PCYT2: variants seen among roughly 807,000 people sequenced by gnomAD.
PCYT2 encodes the protein ethanolamine-phosphate cytidylyltransferase.
A neutral mutation model predicts 50.0 loss-of-function variants in PCYT2; 33 were observed. The ratio of observed to expected loss-of-function variants is 0.66; its 90% CI spans 0.50 to 0.88. PCYT2 has a LOEUF of 0.88. PCYT2 is among the 40% of genes least tolerant of loss of function. The pLI, the probability that PCYT2 is intolerant of heterozygous loss-of-function variation, is 0.00. For missense variants in PCYT2, 430 were observed against 519.7 expected, an observed-to-expected ratio of 0.83 and a Z score of 1.68; for synonymous variants, 240 against 203.7, an observed-to-expected ratio of 1.18 and a Z score of -1.52.
At position 81,902,723 on chromosome 17, in the gene PCYT2, G is replaced by A. The variant is rs922678010; in HGVS notation, c.*2110C>T. 2 of 1,608,040 alleles carry A rather than the reference G, an allele frequency of 1.2e-6. No homozygotes were observed. The highest frequency in any genetic ancestry group is 1.7e-6 in the Non-Finnish European group (2 of 1,178,400). ...AAGGCGAACGTCTTCCTGTCCCTGCGCGCAGCCGACTGCCTCGCCGCCTGA... is the reference window on the plus strand; with the variant it reads ...AAGGCGAACGTCTTCCTGTCCCTGCACGCAGCCGACTGCCTCGCCGCCTGA... On this transcript the variant is annotated 3_prime_UTR_variant, in exon 13 of 13. Transcript: ENST00000538936.
intron 2 of PCYT2, chr17:81,909,270 G>A (rs2040448179): frequency 7.7e-6 from 11 of 1,430,394 alleles, no homozygotes; most frequent in Non-Finnish European, 1.0e-5. Context: ...AGCCCCTGAA[G>A]GCTTGGGAGC....
In PCYT2 at chr17:81,905,685, G is replaced by A. The variant is rs755458317; in HGVS notation, c.888C>T (p.Leu296=). The change falls in exon 10 of 13, where the codon CTC becomes CTT. Residue 296 remains leucine, a synonymous_variant. Coordinates refer to ENST00000538936, the MANE Select transcript of PCYT2 (RefSeq NM_002861.5). The part of the protein sequence containing the change: ...IGAPYAVTAE[L]LSHFKVDLVC... ...GGAGCCTCACCTTGAAGTGACTTAG[G>A]AGCTCTGCTGTGACCGCGTACGGGG... is the stretch of plus-strand genomic sequence containing the variant. The A allele has an allele frequency of 3.7e-6, 6 of 1,613,432 alleles. No individual in the cohort carries two copies. The African/African-American group carries it at 4.0e-5, about 11-fold the overall frequency.
intron 9 of PCYT2, 172 bp downstream of exon 9, chr17:81,905,928 C>T (rs2040238855): frequency 5.4e-6 from 4 of 735,534 alleles, no homozygotes; most frequent in African/African-American, 1.7e-5. Flanking sequence ...CCTGACCACC[C>T]CTCCTCATGC....
At chr17:81,909,322 C>T in intron 2 of PCYT2, 192 bp downstream of exon 2, 1 of 1,433,554 alleles carries the variant, frequency 7.0e-7, no homozygotes, top group African/African-American at 1.4e-5. Context: ...TTCTCTTTAG[C>T]TGGGACAGGA....
rs1478798732 is a variant in PCYT2 at position 81,901,611 on chromosome 17, G to A, written c.*3222C>T. 1 of 152,388 alleles carries A rather than the reference G, an allele frequency of 6.6e-6. No homozygotes were observed. Among genetic ancestry groups the A allele is most frequent in the African/African-American group, 2.4e-5 (1 of 41,460 alleles). 9.4% of individuals were successfully genotyped at this position (152,388 alleles called of 1,614,324 possible). A position where few individuals can be genotyped will look rare whatever the true frequency, so the allele number is the denominator to read the frequency against. On this transcript the variant is annotated 3_prime_UTR_variant, in exon 13 of 13. Coordinates refer to ENST00000538936, the MANE Select transcript of PCYT2 (RefSeq NM_002861.5). ...TGAAGGCTGATGTCACCTGCCAGGA[G>A]AGCGGCTGGCAGTCCTGCCTGGTGC...
intron 1 of PCYT2, chr17:81,910,949 G>A: frequency 2.0e-6 from 2 of 989,274 alleles, no homozygotes; most frequent in Non-Finnish European, 2.4e-6. Context: ...GACCGGAGCC[G>A]GGCAAGCTGG....
At chr17:81,908,443 C>T (rs971609220) in intron 4 of PCYT2, 125 bp downstream of exon 4, 8 of 698,348 alleles carry the variant, frequency 1.1e-5, no homozygotes, top group African/African-American at 9.0e-5. Flanking sequence ...CAGTCCTGGG[C>T]GTGAGGAACA....
intron 2 of PCYT2, 136 bp downstream of exon 2, chr17:81,909,378 G>T: frequency 2.8e-6 from 4 of 1,436,070 alleles, no homozygotes; most frequent in Non-Finnish European, 3.7e-6. Flanking sequence ...CTGGGGCTGG[G>T]CTGGGTGAGC....
At chr17:81,910,743 TCTTC>T (rs2034719085) in intron 1 of PCYT2, among the ~76,000 whole-genome samples, 1 of 152,190 alleles carries the variant, frequency 6.6e-6, no homozygotes, top group East Asian at 1.9e-4. Context: ...GTAACGGTCG[TCTTC>T]CTTTCACTTG....
chr17:81,911,305 C>T lies in PCYT2; in HGVS notation c.51G>A (p.Pro17=), dbSNP rs1352672394. Residue 17 remains proline, a synonymous_variant, in exon 1 of 13, where the codon CCG becomes CCA. Coordinates refer to ENST00000538936, the MANE Select transcript of PCYT2 (RefSeq NM_002861.5). ...GAAGGAEQPG[P]GGRRAVRVWC... is the part of the protein sequence containing the mutation. Reference sequence around the variant, plus strand: ...ACACCCTCACGGCGCGCCTGCCCCCCGGGCCCGGCTGCTCTGCGCCGCCTG... The same window carrying T: ...ACACCCTCACGGCGCGCCTGCCCCCTGGGCCCGGCTGCTCTGCGCCGCCTG... 3 of 1,138,502 alleles carry T rather than the reference C, an allele frequency of 2.6e-6. No homozygotes were observed. Among genetic ancestry groups the T allele is most frequent in the African/African-American group, 3.3e-5 (2 of 59,882 alleles). The allele number at this position is 1,138,502 out of a possible 1,614,324, so 70.5% of individuals were successfully genotyped here. A position where few individuals can be genotyped will look rare whatever the true frequency, so the allele number is the denominator to read the frequency against.
At chr17:81,908,119 G>A (rs2040377064) in intron 4 of PCYT2, among the ~76,000 whole-genome samples, 1 of 152,314 alleles carries the variant, frequency 6.6e-6, no homozygotes. Context: ...TGCAATGCCA[G>A]GGAGAGGATG....
chr17:81,902,616 C>A lies in PCYT2; in HGVS notation c.*2217G>T. ...CCCTCAGCCTTTGCTTGCCTGCCCC[C>A]CAGGCTGTGTGCGTCCAGGACGTCG... On this transcript the variant is annotated 3_prime_UTR_variant, in exon 13 of 13. Coordinates refer to ENST00000538936, the MANE Select transcript of PCYT2 (RefSeq NM_002861.5). 6.3e-7 allele frequency: 1 copy of A among 1,581,488 alleles called. No homozygotes were observed. Among genetic ancestry groups the A allele is most frequent in the African/African-American group, 1.4e-5 (1 of 73,062 alleles).
intron 11 of PCYT2, 67 bp from the exon 12 acceptor site, chr17:81,905,221 C>T (rs2040188977): frequency 7.0e-7 from 1 of 1,431,066 alleles, no homozygotes; most frequent in Non-Finnish European, 9.7e-7. Flanking sequence ...CATCTGATGC[C>T]CTGCCCCAGA....
intron 6 of PCYT2, chr17:81,907,347 C>A (rs897764161): frequency 1.5e-6 from 2 of 1,328,736 alleles, no homozygotes; most frequent in Non-Finnish European, 2.0e-6. Context: ...CTGCCGTGAC[C>A]GGCCAGCCGG....
At chr17:81,911,011 G>C (rs1231697792) in intron 1 of PCYT2, 1 of 995,926 alleles carries the variant, frequency 1.0e-6, no homozygotes, top group East Asian at 1.1e-4. Context: ...ATCTCAGCGC[G>C]GTGGCTGCAC....
intron 3 of PCYT2, 34 bp downstream of exon 3, chr17:81,908,842 C>CCCCAGGCCCCCAGGT: frequency 6.3e-7 from 1 of 1,588,028 alleles, no homozygotes; most frequent in Non-Finnish European, 8.6e-7. Flanking sequence ...CACCTGATGT[C>CCCCAGGCCCCCAGGT]CCCAGGCCCC....
intron 4 of PCYT2, among the ~76,000 whole-genome samples, chr17:81,908,180 C>T (rs1204285958): frequency 1.3e-5 from 2 of 148,780 alleles, no homozygotes; most frequent in African/African-American, 2.4e-5. Flanking sequence ...CCACGTCCTG[C>T]CCGCTGAGCA....
chr17:81,909,449 A>C (rs2040455720), intron 2 of PCYT2, 65 bp downstream of exon 2: 1 of 1,530,284 alleles, frequency 6.5e-7, no homozygotes, highest in Non-Finnish European at 9.0e-7. Context: ...GCAGGCTTTC[A>C]GTCAACAGTC....
rs1266742894 is a variant in PCYT2 at position 81,901,721 on chromosome 17, T to G, written c.*3112A>C. 2 of 152,276 alleles carry G rather than the reference T, an allele frequency of 1.3e-5. No individual in the cohort carries two copies. Among genetic ancestry groups the G allele is most frequent in the South Asian group, 2.1e-4 (1 of 4,830 alleles). 9.4% of individuals were successfully genotyped at this position (152,276 alleles called of 1,614,324 possible). On this transcript the variant is annotated 3_prime_UTR_variant, in exon 13 of 13. Transcript: ENST00000538936. ...CTCCAGTGCCTTGGTGTGGCTGGCC[T>G]TCTTGCCCCCCTCCCAGAGGACCCC...
Sources: allele counts gnomAD v4.1 joint callset (sites outside exome capture counted in the v4.1 genomes callset), GRCh38; gene constraint gnomAD v4.1.1; transcripts MANE v1.5; gene names NCBI Gene and HGNC (gene_info 2026-07-23, HGNC 2026-07-21).